SYNPO2: variants seen among roughly 807,000 people sequenced by gnomAD.
SYNPO2 encodes synaptopodin 2.
SYNPO2 carries 56 observed loss-of-function variants against 85.0 expected under a neutral mutation model. The observed-to-expected ratio is 0.66, with a 90% CI of 0.53 to 0.82. The LOEUF (loss-of-function observed/expected upper bound fraction) is 0.82, where lower values mean the gene tolerates loss of function less well. SYNPO2 is among the 40% of genes least tolerant of loss of function. The pLI, the probability that SYNPO2 is intolerant of heterozygous loss-of-function variation, is 0.00. For missense variants in SYNPO2, 1,575 were observed against 1,534.2 expected (o/e 1.03, Z -0.44); for synonymous variants, 602 against 591.1 (o/e 1.02, Z -0.27).
intron 4 of SYNPO2, chr4:119,034,172 A>G (rs1264271905): frequency 2.0e-6 from 2 of 985,358 alleles, no homozygotes; most frequent in African/African-American, 1.7e-5. Flanking sequence ...TTCTTTTCTA[A>G]TAGAACAACC....
chr4:118,997,184 G>A (rs566283945), intron 1 of SYNPO2, among the ~76,000 whole-genome samples: 2 of 137,260 alleles, frequency 1.5e-5, no homozygotes, highest in South Asian at 2.4e-4. Context: ...AGCTTGCAGT[G>A]AGCCGAGATC....
At chr4:119,052,421 C>A (rs1578679195) in intron 4 of SYNPO2, among the ~76,000 whole-genome samples, 1 of 152,252 alleles carries the variant, frequency 6.6e-6, no homozygotes. Flanking sequence ...TAAGATGTCC[C>A]CAGTGATGGG....
intron 1 of SYNPO2, among the ~76,000 whole-genome samples, chr4:118,897,754 G>T (rs893884908): frequency 1.6e-4 from 24 of 152,104 alleles, no homozygotes; most frequent in Admixed American, 3.9e-4. Context: ...CAGAGCTGGG[G>T]TTCACATCTA....
intron 1 of SYNPO2, among the ~76,000 whole-genome samples, chr4:118,915,416 GT>G (rs1211420333): frequency 6.6e-6 from 1 of 152,034 alleles, no homozygotes; most frequent in Admixed American, 6.6e-5. Context: ...ATTTTAGTTG[GT>G]TTTAGCTTTT....
intron 1 of SYNPO2, among the ~76,000 whole-genome samples, chr4:118,891,940 T>C (rs36125886): frequency 0.14 from 21,866 of 152,170 alleles, 1,699 homozygotes; most frequent in East Asian, 0.18. Flanking sequence ...ATTTTGGCTT[T>C]TTGTGAAATA....
At chr4:118,941,154 T>TG (rs1226323757) in intron 1 of SYNPO2, among the ~76,000 whole-genome samples, 3 of 152,222 alleles carry the variant, frequency 2.0e-5, no homozygotes, top group African/African-American at 7.2e-5. Flanking sequence ...CTGGGTTCTT[T>TG]GTCTCAGTGA....
intron 1 of SYNPO2, among the ~76,000 whole-genome samples, chr4:118,939,977 C>CT (rs111485944): frequency 2.2e-3 from 264 of 119,830 alleles, no homozygotes; most frequent in African/African-American, 4.6e-3. Context: ...TTTCTCTCTT[C>CT]TTTTTTTTTT....
At chr4:119,034,593 G>C in intron 4 of SYNPO2, 1 of 985,538 alleles carries the variant, frequency 1.0e-6, no homozygotes, top group Non-Finnish European at 1.2e-6. Context: ...GGCAGCATAG[G>C]TCTCATCTTG....
chr4:118,989,335 G>GT (rs989894189), intron 1 of SYNPO2, among the ~76,000 whole-genome samples: 1 of 152,204 alleles, frequency 6.6e-6, no homozygotes, highest in Non-Finnish European at 1.5e-5. Flanking sequence ...TTTCTGGAGT[G>GT]TAACTGGGAA....
chr4:118,900,727 A>C (rs1385386911), intron 1 of SYNPO2, among the ~76,000 whole-genome samples: 72 of 99,982 alleles, frequency 7.2e-4, no homozygotes, highest in African/African-American at 7.2e-4. Context: ...ATATATATAT[A>C]TATATGTCTG....
intron 1 of SYNPO2, among the ~76,000 whole-genome samples, chr4:118,880,311 A>G (rs576156924): frequency 6.6e-5 from 10 of 152,304 alleles, no homozygotes; most frequent in Middle Eastern, 3.4e-3. Context: ...TATGGGGGGA[A>G]TTATGTCCCT....
chr4:119,060,493 T>G lies in SYNPO2; in HGVS notation c.*2559T>G, dbSNP rs1290772367. On this transcript the variant is annotated 3_prime_UTR_variant, in exon 5 of 5. Coordinates refer to ENST00000307142, the MANE Select transcript of SYNPO2 (RefSeq NM_133477.3). The stretch of plus-strand genomic sequence containing the variant: ...TTGAAAATGAATAAAGTTAGATTGC[T>G]CACATTGAAGCTAATGGTTGAGACA... The G allele has an allele frequency of 6.6e-6, 1 of 152,168 alleles. No individual in the cohort carries two copies. The highest frequency in any genetic ancestry group is 2.4e-5 in the African/African-American group (1 of 41,448). 9.4% of individuals were successfully genotyped at this position (152,168 alleles called of 1,614,324 possible). A position where few individuals can be genotyped will look rare whatever the true frequency, so the allele number is the denominator to read the frequency against.
intron 1 of SYNPO2, among the ~76,000 whole-genome samples, chr4:118,866,305 A>G (rs1020913157): frequency 6.6e-6 from 1 of 152,080 alleles, no homozygotes; most frequent in Non-Finnish European, 1.5e-5. Flanking sequence ...CGACCCCCAC[A>G]CTAACCTGGC....
intron 1 of SYNPO2, among the ~76,000 whole-genome samples, chr4:118,939,827 T>C (rs1734239590): frequency 6.6e-6 from 1 of 152,222 alleles, no homozygotes; most frequent in Non-Finnish European, 1.5e-5. Flanking sequence ...TTACCCGTCA[T>C]GGTTTAAGCT....
chr4:118,963,716 A>C (rs1215840108), intron 1 of SYNPO2, among the ~76,000 whole-genome samples: 1 of 152,242 alleles, frequency 6.6e-6, no homozygotes, highest in East Asian at 1.9e-4. Context: ...ATTTTTAAAA[A>C]TTAGTTTTAG....
chr4:118,919,914 C>T (rs973913002), intron 1 of SYNPO2, among the ~76,000 whole-genome samples: 3 of 152,112 alleles, frequency 2.0e-5, no homozygotes, highest in Admixed American at 6.5e-5. Context: ...TGCTAAGAAG[C>T]TGGAGTTTGA....
At chr4:118,982,276 A>G (rs2149163452) in intron 1 of SYNPO2, among the ~76,000 whole-genome samples, 1 of 152,338 alleles carries the variant, frequency 6.6e-6, no homozygotes, top group South Asian at 2.1e-4. Context: ...GATAATGTCC[A>G]GTGCAGTGTA....
chr4:118,962,510 A>T (rs1735138239), intron 1 of SYNPO2, among the ~76,000 whole-genome samples: 1 of 152,174 alleles, frequency 6.6e-6, no homozygotes, highest in African/African-American at 2.4e-5. Context: ...AAAAACATTA[A>T]CCCTGCTAGG....
intron 1 of SYNPO2, among the ~76,000 whole-genome samples, chr4:119,013,553 G>A (rs1737412251): frequency 6.6e-6 from 1 of 152,156 alleles, no homozygotes; most frequent in African/African-American, 2.4e-5. Flanking sequence ...TAGAAAATAA[G>A]CAAAGTCAAC....
Sources: gnomAD v4.1 joint callset for allele counts (sites outside exome capture counted in the v4.1 genomes callset) on GRCh38, gnomAD v4.1.1 for gene constraint, MANE v1.5 for transcripts, NCBI Gene and HGNC (gene_info 2026-07-23, HGNC 2026-07-21) for gene names.